The following NALCN variants were observed in gnomAD, a reference collection of about 807,000 sequenced individuals.
The protein encoded by NALCN is sodium leak channel NALCN.
A neutral mutation model predicts 225.3 loss-of-function variants in NALCN; 111 were observed. The ratio of observed to expected loss-of-function variants is 0.49; its 90% CI spans 0.42 to 0.58. NALCN has a LOEUF of 0.58. Ranked by LOEUF, NALCN falls within the 20% of genes least tolerant of loss-of-function variation. The pLI is 0.00. For missense variants in NALCN, 1,378 were observed against 2,202.4 expected (o/e 0.63, Z 7.49); for synonymous variants, 764 against 769.0 (o/e 0.99, Z 0.11).
chr13:101,062,667 G>T (rs184036178), intron 40 of NALCN, among the ~76,000 whole-genome samples: 4 of 152,050 alleles, frequency 2.6e-5, no homozygotes, highest in African/African-American at 9.7e-5. Context: ...GTAATGGCGT[G>T]CTGTCAGCTC....
chr13:101,151,611 T>G (rs2037651992), intron 15 of NALCN, among the ~76,000 whole-genome samples: 1 of 152,208 alleles, frequency 6.6e-6, no homozygotes. Flanking sequence ...GTGAATAAAT[T>G]AAGGCTGAAG....
chr13:101,169,822 T>C (rs1486474448), intron 15 of NALCN, among the ~76,000 whole-genome samples: 3 of 152,228 alleles, frequency 2.0e-5, no homozygotes, highest in Admixed American at 6.5e-5. Flanking sequence ...AATGTGATAA[T>C]TTAATATAAA....
At chr13:101,373,079 T>G (rs772356264) in intron 6 of NALCN, 10 of 389,962 alleles carry the variant, frequency 2.6e-5, no homozygotes, top group South Asian at 1.2e-4. Flanking sequence ...ATTGACAAAT[T>G]ATAAAAATAG....
At chr13:101,394,633 T>C (rs535560406) in intron 3 of NALCN, among the ~76,000 whole-genome samples, 2 of 152,380 alleles carry the variant, frequency 1.3e-5, no homozygotes, top group South Asian at 2.1e-4. Flanking sequence ...TAAAACATTT[T>C]ATATCTATTT....
intron 11 of NALCN, among the ~76,000 whole-genome samples, chr13:101,256,682 A>G (rs1409614032): frequency 2.0e-5 from 3 of 151,872 alleles, no homozygotes; most frequent in African/African-American, 7.2e-5. Flanking sequence ...AACAGAAATA[A>G]CTTGATGAGG....
chr13:101,248,298 A>G (rs1244000490), intron 11 of NALCN, among the ~76,000 whole-genome samples: 1 of 152,216 alleles, frequency 6.6e-6, no homozygotes, highest in Admixed American at 6.5e-5. Flanking sequence ...ATAGTTCAAA[A>G]TATTGGGAAC....
intron 13 of NALCN, among the ~76,000 whole-genome samples, chr13:101,219,640 G>T (rs2040863129): frequency 6.6e-6 from 1 of 152,138 alleles, no homozygotes; most frequent in African/African-American, 2.4e-5. Context: ...TACCTTTCTT[G>T]ATTTCCTGAA....
chr13:101,259,977 T>C (rs1393416593), intron 10 of NALCN, among the ~76,000 whole-genome samples: 2 of 124,940 alleles, frequency 1.6e-5, no homozygotes, highest in African/African-American at 5.5e-5. Context: ...ATCTATTCTT[T>C]CTATTTTTTT....
At chr13:101,062,543 C>G (rs765502335) in intron 40 of NALCN, among the ~76,000 whole-genome samples, 1 of 152,168 alleles carries the variant, frequency 6.6e-6, no homozygotes, top group Non-Finnish European at 1.5e-5. Context: ...CATCCCTACT[C>G]CCTGCATCCC....
At chr13:101,390,852 G>T (rs1396784597) in intron 3 of NALCN, among the ~76,000 whole-genome samples, 1 of 140,340 alleles carries the variant, frequency 7.1e-6, no homozygotes. Flanking sequence ...AGCAAAGAAA[G>T]AAACTAATAA....
At chr13:101,056,276 T>TG (rs1491248607) in intron 43 of NALCN, among the ~76,000 whole-genome samples, 2 of 102,816 alleles carry the variant, frequency 1.9e-5, no homozygotes, top group Admixed American at 1.9e-4. Context: ...TTTTTTTTTT[T>TG]GGGAGACAGG....
chr13:101,081,354 T>C (rs1186986595), intron 34 of NALCN, among the ~76,000 whole-genome samples, 173 bp downstream of exon 34: 2 of 152,110 alleles, frequency 1.3e-5, no homozygotes, highest in East Asian at 1.9e-4. Context: ...GGTGTGTACA[T>C]GTAGACACAA....
In NALCN at chr13:101,053,855, C is replaced by A. The variant is rs907606351; in HGVS notation, c.*1440G>T. On this transcript the variant is annotated 3_prime_UTR_variant, in exon 44 of 44. Coordinates refer to ENST00000251127, the MANE Select transcript of NALCN (RefSeq NM_052867.4). The stretch of plus-strand genomic sequence containing the variant: ...AAGTGAACATCAAATCAAATCTAAT[C>A]CTTTTGGCCACATGACTGGTTGTTC... The A allele has an allele frequency of 6.6e-6, 1 of 152,106 alleles. No individual in the cohort carries two copies. Among genetic ancestry groups the A allele is most frequent in the Non-Finnish European group, 1.5e-5 (1 of 68,024 alleles). 9.4% of individuals were successfully genotyped at this position (152,106 alleles called of 1,614,324 possible). A position where few individuals can be genotyped will look rare whatever the true frequency, so the allele number is the denominator to read the frequency against.
intron 34 of NALCN, among the ~76,000 whole-genome samples, chr13:101,079,319 A>G (rs1247589829): frequency 6.6e-6 from 1 of 152,228 alleles, no homozygotes; most frequent in Non-Finnish European, 1.5e-5. Flanking sequence ...AGTTTTTAGG[A>G]TGAGAATCTG....
At chr13:101,133,904 T>A (rs1178929625) in intron 17 of NALCN, among the ~76,000 whole-genome samples, 4 of 152,188 alleles carry the variant, frequency 2.6e-5, no homozygotes, top group African/African-American at 9.7e-5. Context: ...GTGCGGTGGC[T>A]CACGCCTGTA....
chr13:101,144,723 A>C, intron 16 of NALCN, 37 bp downstream of exon 16: 1 of 1,587,210 alleles, frequency 6.3e-7, no homozygotes. Context: ...CTTTTACAAT[A>C]TATGTGAAAT....
chr13:101,187,216 A>G (rs947482297), intron 14 of NALCN, among the ~76,000 whole-genome samples: 1 of 152,168 alleles, frequency 6.6e-6, no homozygotes, highest in African/African-American at 2.4e-5. Flanking sequence ...CTATTTTGTT[A>G]TTATTGTTGT....
At chr13:101,400,114 A>G (rs1023186992) in intron 1 of NALCN, among the ~76,000 whole-genome samples, 1 of 152,032 alleles carries the variant, frequency 6.6e-6, no homozygotes, top group African/African-American at 2.4e-5. Flanking sequence ...ACACTTAGCA[A>G]TGATATTTTA....
intron 6 of NALCN, among the ~76,000 whole-genome samples, chr13:101,354,971 T>A (rs9518377): frequency 0.13 from 19,139 of 152,200 alleles, 1,561 homozygotes; most frequent in East Asian, 0.37. Context: ...AGAACCCTCA[T>A]GAATGGCTTG....
Sources: allele counts gnomAD v4.1 joint callset (sites outside exome capture counted in the v4.1 genomes callset), GRCh38; gene constraint gnomAD v4.1.1; transcripts MANE v1.5; gene names NCBI Gene and HGNC (gene_info 2026-07-23, HGNC 2026-07-21).